DDAH1: variants seen among roughly 807,000 people sequenced by gnomAD.
DDAH1 encodes N(G),N(G)-dimethylarginine dimethylaminohydrolase 1.
In DDAH1, 19 loss-of-function variants were observed where a neutral mutation model predicts 28.8. The observed-to-expected ratio is 0.66, with a 90% CI of 0.46 to 0.97. The LOEUF (loss-of-function observed/expected upper bound fraction) is 0.97. DDAH1 is among the 50% of genes least tolerant of loss of function. The pLI is 0.00. For missense variants in DDAH1, 326 were observed against 375.9 expected (o/e 0.87, Z 1.10); for synonymous variants, 153 against 154.4 (o/e 0.99, Z 0.07).
chr1:85,410,241 C>T (rs966460094), intron 1 of DDAH1, among the ~76,000 whole-genome samples: 1 of 151,950 alleles, frequency 6.6e-6, no homozygotes, highest in Non-Finnish European at 1.5e-5. Context: ...TGATCATGCC[C>T]CTATACTCCA....
intron 1 of DDAH1, among the ~76,000 whole-genome samples, chr1:85,496,740 T>C (rs1490800809): frequency 6.6e-6 from 1 of 152,236 alleles, no homozygotes; most frequent in Non-Finnish European, 1.5e-5. Flanking sequence ...GCTGCTTTGT[T>C]TCCTGTTTGG....
chr1:85,360,217 A>C (rs1409326746), intron 1 of DDAH1, among the ~76,000 whole-genome samples: 1 of 152,234 alleles, frequency 6.6e-6, no homozygotes, highest in African/African-American at 2.4e-5. Flanking sequence ...ACATTTAAAG[A>C]GGATACAAAG....
intron 4 of DDAH1, among the ~76,000 whole-genome samples, chr1:85,345,058 A>T (rs1648759978): frequency 1.3e-5 from 2 of 152,246 alleles, no homozygotes; most frequent in African/African-American, 2.4e-5. Flanking sequence ...AGTGTAATAT[A>T]TAAAGTATAA....
chr1:85,464,636 A>T lies in DDAH1; in HGVS notation c.303+107T>A. On this transcript the variant is annotated intron_variant, in intron 1 of 5. Transcript: ENST00000284031. This position sits in a 1 kb window ranked among gnomAD's most constrained non-coding sequence, Gnocchi z 4.4. ...CTCGCCCCCCGACGGGAAGTTGTGA[A>T]CTACTAGCCCGAGGGCCAATGGCGC... 6.7e-7 allele frequency: 1 copy of T among 1,496,572 alleles called. No homozygotes were observed. Among genetic ancestry groups the T allele is most frequent in the Non-Finnish European group, 8.9e-7 (1 of 1,124,260 alleles). 92.7% of individuals were successfully genotyped at this position (1,496,572 alleles called of 1,614,324 possible).
chr1:85,563,362 A>C (rs1303582466), intron 1 of DDAH1, among the ~76,000 whole-genome samples: 1 of 152,206 alleles, frequency 6.6e-6, no homozygotes, highest in Admixed American at 6.5e-5. Context: ...GCGACATACA[A>C]AGAGCTGGGA....
chr1:85,350,608 A>G, intron 3 of DDAH1, 74 bp from the exon 4 acceptor site: 1 of 1,501,846 alleles, frequency 6.7e-7, no homozygotes, highest in Non-Finnish European at 9.0e-7. Context: ...ACCTCCCTGA[A>G]ATACACCTAC....
intron 1 of DDAH1, among the ~76,000 whole-genome samples, chr1:85,394,827 A>G (rs1651730982): frequency 1.3e-5 from 2 of 152,236 alleles, no homozygotes; most frequent in African/African-American, 4.8e-5. Context: ...AAGTCATATG[A>G]TTAAGTAACA....
chr1:85,345,056 A>T (rs1648759676), intron 4 of DDAH1, among the ~76,000 whole-genome samples: 2 of 152,226 alleles, frequency 1.3e-5, no homozygotes, highest in African/African-American at 2.4e-5. Context: ...AAAGTGTAAT[A>T]TATAAAGTAT....
At chr1:85,393,018 G>A (rs1369403780) in intron 1 of DDAH1, among the ~76,000 whole-genome samples, 1 of 152,010 alleles carries the variant, frequency 6.6e-6, no homozygotes, top group Non-Finnish European at 1.5e-5. Flanking sequence ...TGACATACAT[G>A]GCTGATTCCT....
intron 2 of DDAH1, among the ~76,000 whole-genome samples, chr1:85,355,706 T>C (rs905715894): frequency 1.3e-5 from 2 of 152,180 alleles, no homozygotes; most frequent in South Asian, 2.1e-4. Flanking sequence ...AGAATGTACA[T>C]AGAAACACAG....
At chr1:85,420,747 C>T (rs1160588312) in intron 1 of DDAH1, among the ~76,000 whole-genome samples, 2 of 152,302 alleles carry the variant, frequency 1.3e-5, no homozygotes, top group East Asian at 1.9e-4. Context: ...CAGCCTTCCA[C>T]ACTCTTCCAA....
intron 1 of DDAH1, among the ~76,000 whole-genome samples, chr1:85,533,982 G>A (rs1658179717): frequency 6.6e-6 from 1 of 152,220 alleles, no homozygotes; most frequent in Non-Finnish European, 1.5e-5. Context: ...TGATAGGTCT[G>A]CTGAGGCATT....
In DDAH1 at chr1:85,328,550, C is replaced by G. The variant is rs998056182; in HGVS notation, c.598-3667G>C. On this transcript the variant is annotated intron_variant, in intron 4 of 5. Coordinates refer to ENST00000284031, the MANE Select transcript of DDAH1 (RefSeq NM_012137.4). ...TTATTATGTGCTGTTGAGGGTGGAC[C>G]AAGATGGCCAGTCTGCTCATGTTTG... 2.6e-4 allele frequency among the ~76,000 whole-genome samples: 39 copies of G among 152,092 alleles called. 1 individual carries two copies. The highest frequency in any genetic ancestry group is 8.2e-4 in the African/African-American group (34 of 41,386).
At chr1:85,452,324 A>T (rs966884633) in intron 1 of DDAH1, among the ~76,000 whole-genome samples, 1 of 152,222 alleles carries the variant, frequency 6.6e-6, no homozygotes, top group African/African-American at 2.4e-5. Context: ...TGACAACAAC[A>T]ACGACATAAA....
At chr1:85,437,695 T>A (rs951364352) in intron 1 of DDAH1, among the ~76,000 whole-genome samples, 1 of 152,244 alleles carries the variant, frequency 6.6e-6, no homozygotes, top group Non-Finnish European at 1.5e-5. Context: ...AGTCAAAAGT[T>A]ATATGCAGTT....
chr1:85,365,157 G>C (rs943282270), intron 1 of DDAH1, among the ~76,000 whole-genome samples: 1 of 152,178 alleles, frequency 6.6e-6, no homozygotes, highest in African/African-American at 2.4e-5. Flanking sequence ...GGCAGAGTAA[G>C]TAAATTTGAT....
At chr1:85,371,287 G>A (rs1158448462) in intron 1 of DDAH1, among the ~76,000 whole-genome samples, 1 of 152,184 alleles carries the variant, frequency 6.6e-6, no homozygotes, top group African/African-American at 2.4e-5. Context: ...CTTGCCACTT[G>A]CTTGTACATT....
At chr1:85,378,278 G>T (rs1327461147) in intron 1 of DDAH1, among the ~76,000 whole-genome samples, 5 of 152,174 alleles carry the variant, frequency 3.3e-5, no homozygotes, top group African/African-American at 1.2e-4. Context: ...CTTTGGTTAT[G>T]TGCTTAGCAT....
intron 4 of DDAH1, among the ~76,000 whole-genome samples, chr1:85,337,689 T>C (rs1272633093): frequency 1.3e-5 from 2 of 152,186 alleles, no homozygotes; most frequent in African/African-American, 4.8e-5. Flanking sequence ...CCTGACCTCG[T>C]GATCCACCCG....
Sources: allele counts gnomAD v4.1 joint callset (sites outside exome capture counted in the v4.1 genomes callset), GRCh38; gene constraint gnomAD v4.1.1; non-coding constraint Gnocchi (gnomAD v3.1); transcripts MANE v1.5; gene names NCBI Gene and HGNC (gene_info 2026-07-23, HGNC 2026-07-21).